Variants in KIDINS220 observed in about 807,000 individuals in gnomAD.
The protein encoded by KIDINS220 is kinase D-interacting substrate of 220 kDa.
KIDINS220 carries 63 observed loss-of-function variants against 157.6 expected under a neutral mutation model. The observed-to-expected ratio is 0.40, with a 90% CI of 0.33 to 0.49. The LOEUF (loss-of-function observed/expected upper bound fraction) is 0.49, where lower values mean the gene tolerates loss of function less well. Among genes scored for constraint, KIDINS220 ranks in the 20% least tolerant of loss-of-function variants. The pLI is 0.66. For synonymous variants in KIDINS220, 732 were observed against 783.6 expected, an observed-to-expected ratio of 0.93 and a Z score of 1.10; for missense variants, 1,772 against 2,171.2, an observed-to-expected ratio of 0.82 and a Z score of 3.65.
rs770317658 is a variant in KIDINS220, at chr2:8,785,735, G to T, written c.2229+6C>A. The T allele has an allele frequency of 8.7e-6, 14 of 1,603,080 alleles. No individual in the cohort carries two copies. In the African/African-American group the frequency reaches 1.6e-4, roughly 19 times the overall value. ...CAATTTTTTCTAATAACCAATGAGT[G>T]CTTACTTTCATGAATCCTTCACTTT... On this transcript the variant is annotated splice_donor_region_variant and intron_variant, in intron 17 of 29. Coordinates refer to ENST00000256707, the MANE Select transcript of KIDINS220 (RefSeq NM_020738.4).
intron 20 of KIDINS220, among the ~76,000 whole-genome samples, chr2:8,778,344 G>T (rs950383321): frequency 6.6e-6 from 1 of 152,168 alleles, no homozygotes; most frequent in African/African-American, 2.4e-5. Context: ...GACCAGGAAT[G>T]AATAGAGTGG....
chr2:8,797,844 C>T (rs1416769189), intron 10 of KIDINS220, among the ~76,000 whole-genome samples: 1 of 152,220 alleles, frequency 6.6e-6, no homozygotes, highest in African/African-American at 2.4e-5. Flanking sequence ...CAGGGTCTCA[C>T]TATATTGCCC....
At chr2:8,800,273 G>T in intron 9 of KIDINS220, 127 bp downstream of exon 9, 2 of 544,650 alleles carry the variant, frequency 3.7e-6, no homozygotes, top group Middle Eastern at 2.9e-4. Flanking sequence ...AATAATATAC[G>T]TCTGTTAAAT....
rs983263927 is a variant in KIDINS220, at chr2:8,837,553, C to A, written c.-110G>T. The A allele has an allele frequency of 6.6e-6, 1 of 152,290 alleles. No homozygotes were observed. Among genetic ancestry groups the A allele is most frequent in the African/African-American group, 2.4e-5 (1 of 41,462 alleles). 9.4% of individuals were successfully genotyped at this position (152,290 alleles called of 1,614,324 possible). A position where few individuals can be genotyped will look rare whatever the true frequency, so the allele number is the denominator to read the frequency against. Reference sequence around the variant, plus strand: ...CAGAGGACGGGGAAGCAAGAGACGGCGACTGCAAGCGCGTCGCCCTCACCA... The same window carrying A: ...CAGAGGACGGGGAAGCAAGAGACGGAGACTGCAAGCGCGTCGCCCTCACCA... On this transcript the variant is annotated 5_prime_UTR_variant, in exon 1 of 30. Coordinates refer to ENST00000256707, the MANE Select transcript of KIDINS220 (RefSeq NM_020738.4).
At chr2:8,764,012 A>G (rs1391731250) in intron 22 of KIDINS220, among the ~76,000 whole-genome samples, 2 of 152,224 alleles carry the variant, frequency 1.3e-5, no homozygotes, top group Non-Finnish European at 2.9e-5. Flanking sequence ...CTGACTAATG[A>G]GTGGATAAAG....
At position 8,731,235 on chromosome 2, in the gene KIDINS220, T is replaced by C; in HGVS notation, c.4801A>G (p.Asn1601Asp). The C allele has an allele frequency of 6.2e-7, 1 of 1,614,170 alleles. No homozygotes were observed. The highest frequency in any genetic ancestry group is 8.5e-7 in the Non-Finnish European group (1 of 1,180,036). The change falls in exon 30 of 30, where the codon AAT becomes GAT. Residue 1601 changes from asparagine (N) to aspartate (D), a missense_variant. This residue lies in a region of KIDINS220 where 793 missense variants were observed against 885.5 expected (regional missense o/e 0.90). Coordinates refer to ENST00000256707, the MANE Select transcript of KIDINS220 (RefSeq NM_020738.4). This position sits in a 1 kb window ranked among gnomAD's most constrained non-coding sequence, Gnocchi z 5.2. ...SESSPNHSLH[N>D]EVADDSQLEK... The stretch of plus-strand genomic sequence containing the variant: ...AGCTGGGAGTCATCCGCCACTTCAT[T>C]GTGCAGAGAGTGATTGGGAGAACTT...
chr2:8,801,391 A>G (rs578262020), intron 8 of KIDINS220, among the ~76,000 whole-genome samples: 2 of 152,272 alleles, frequency 1.3e-5, no homozygotes, highest in South Asian at 4.2e-4. Context: ...GCAGAAATAA[A>G]CCAAAGGCAG....
chr2:8,737,450 A>T (rs1665043845), intron 26 of KIDINS220, among the ~76,000 whole-genome samples: 2 of 152,240 alleles, frequency 1.3e-5, no homozygotes, highest in African/African-American at 4.8e-5. Flanking sequence ...CAATTAAGCA[A>T]CTTTGAGTGT....
chr2:8,828,169 C>T (rs1429558229), intron 1 of KIDINS220, among the ~76,000 whole-genome samples: 1 of 152,214 alleles, frequency 6.6e-6, no homozygotes, highest in Non-Finnish European at 1.5e-5. Flanking sequence ...CCCCTCTCAC[C>T]CTCCTGGCTG....
intron 26 of KIDINS220, among the ~76,000 whole-genome samples, chr2:8,745,570 G>A (rs1388306093): frequency 5.9e-5 from 9 of 152,098 alleles, no homozygotes; most frequent in South Asian, 2.1e-4. Context: ...AGGCCAAGAC[G>A]GGCAGATCAC....
At chr2:8,745,985 A>C (rs1277210831) in intron 26 of KIDINS220, among the ~76,000 whole-genome samples, 1 of 151,002 alleles carries the variant, frequency 6.6e-6, no homozygotes, top group Non-Finnish European at 1.5e-5. Context: ...TAAAATACAA[A>C]CTGGGTTCTT....
rs533166242 is a variant in KIDINS220 at position 8,758,485 on chromosome 2, T to C, written c.3012-6841A>G. ...GGACTTCCACACTGGATCTGTCAAT[T>C]TGCTGGTATTTTCAAGGAAAATACT... On this transcript the variant is annotated intron_variant, in intron 22 of 29. Transcript: ENST00000256707. Among the ~76,000 whole-genome samples, 15 of 152,274 alleles carry C rather than the reference T, an allele frequency of 9.9e-5. No homozygotes were observed. In the East Asian group the frequency reaches 2.7e-3, roughly 28 times the overall value.
intron 22 of KIDINS220, among the ~76,000 whole-genome samples, chr2:8,770,324 T>C (rs1361209520): frequency 6.6e-6 from 1 of 152,134 alleles, no homozygotes; most frequent in African/African-American, 2.4e-5. Context: ...GAGGATGACT[T>C]GAGTCCAGGA....
intron 24 of KIDINS220, chr2:8,749,498 T>A (rs1169137553): frequency 2.3e-6 from 1 of 426,522 alleles, no homozygotes; most frequent in Non-Finnish European, 4.6e-6. Context: ...AGGGCCTGAA[T>A]ACCACTGATA....
In KIDINS220 at chr2:8,729,611, T is replaced by G; in HGVS notation, c.*1109A>C. The G allele has an allele frequency of 1.0e-6, 1 of 976,472 alleles. No individual in the cohort carries two copies. Among genetic ancestry groups the G allele is most frequent in the Non-Finnish European group, 1.2e-6 (1 of 821,766 alleles). 60.5% of individuals were successfully genotyped at this position (976,472 alleles called of 1,614,324 possible). A position where few individuals can be genotyped will look rare whatever the true frequency, so the allele number is the denominator to read the frequency against. ...ATATATATATATATTTTACCCTTGC[T>G]TTGTTACATGTTTCCAAATTTTTTT... is the stretch of plus-strand genomic sequence containing the variant. On this transcript the variant is annotated 3_prime_UTR_variant, in exon 30 of 30. Transcript: ENST00000256707.
chr2:8,785,966 G>T lies in KIDINS220; in HGVS notation c.2004C>A (p.Gly668=). ...PSFVIFLFII[G]CIISGITLLA... Reference sequence around the variant, plus strand: ...GAAGAGTAATTCCAGATATAATGCAGCCAATGATAAAAAGGAAGATGACAA... The same window carrying T: ...GAAGAGTAATTCCAGATATAATGCATCCAATGATAAAAAGGAAGATGACAA... The change falls in exon 17 of 30, where the codon GGC becomes GGA. Residue 668 remains glycine (G), a synonymous_variant. Coordinates refer to ENST00000256707, the MANE Select transcript of KIDINS220 (RefSeq NM_020738.4). 1.9e-6 allele frequency: 3 copies of T among 1,612,784 alleles called. No homozygotes were observed. The highest frequency in any genetic ancestry group is 2.5e-6 in the Non-Finnish European group (3 of 1,179,584).
chr2:8,826,100 TATAAA>T (rs1678776634), intron 2 of KIDINS220, among the ~76,000 whole-genome samples: 1 of 151,728 alleles, frequency 6.6e-6, no homozygotes, highest in Non-Finnish European at 1.5e-5. Context: ...AATAAAATAA[TATAAA>T]ATAATAGTTT....
intron 15 of KIDINS220, among the ~76,000 whole-genome samples, chr2:8,788,278 T>G (rs1205279992): frequency 1.3e-5 from 2 of 152,098 alleles, no homozygotes; most frequent in Non-Finnish European, 2.9e-5. Context: ...AAACTTTTTT[T>G]TTTTTTTGAG....
rs754502901 is a variant in KIDINS220 at position 8,736,879 on chromosome 2, T to C, written c.3706A>G (p.Thr1236Ala). Reference sequence around the variant, plus strand: ...AGTGGCTGCCTCACCTTTTTGATCGTGGTACAATACTGAGGCAGCATACTC... The same window carrying C: ...AGTGGCTGCCTCACCTTTTTGATCGCGGTACAATACTGAGGCAGCATACTC... ...DQSMLPQYCT[T>A]IKKANINGRV... The change falls in exon 27 of 30, where the codon ACG becomes GCG. Residue 1236 changes from threonine (T) to alanine (A), a missense_variant. Physicochemically the swap from Thr to Ala is moderately conservative, Grantham distance 58 (BLOSUM62 0). Around this residue, in one of 3 missense-constraint regions of KIDINS220, gnomAD observed 793 missense variants for 885.5 expected, o/e 0.90. Transcript: ENST00000256707. The C allele has an allele frequency of 3.1e-5, 50 of 1,613,930 alleles. No individual in the cohort carries two copies. The highest frequency in any genetic ancestry group is 4.1e-5 in the Non-Finnish European group (48 of 1,179,944).
Sources: allele counts gnomAD v4.1 joint callset (sites outside exome capture counted in the v4.1 genomes callset), GRCh38; gene constraint gnomAD v4.1.1; regional missense constraint gnomAD v4.1.1; non-coding constraint Gnocchi (gnomAD v3.1); transcripts MANE v1.5; gene names NCBI Gene and HGNC (gene_info 2026-07-23, HGNC 2026-07-21).